Variants in PRDM5 observed in about 807,000 individuals in gnomAD.
PRDM5 encodes the protein PR/SET domain 5, also known as PR domain zinc finger protein 5.
Under a neutral mutation model 81.2 loss-of-function variants are expected in PRDM5, and 56 were observed. That is an observed-to-expected ratio of 0.69 (90% CI 0.56 to 0.86). PRDM5 has a LOEUF of 0.86. PRDM5 is among the 40% of genes least tolerant of loss of function. The pLI is 0.00. For synonymous variants in PRDM5, 267 were observed against 256.4 expected (o/e 1.04, Z -0.39); for missense variants, 697 against 770.1 (o/e 0.91, Z 1.12).
chr4:120,898,871 A>G (rs1392712878), intron 2 of PRDM5, among the ~76,000 whole-genome samples: 2 of 152,182 alleles, frequency 1.3e-5, no homozygotes. Context: ...GGCAGCAATC[A>G]GACTGAAGAC....
chr4:120,693,589 T>A lies in PRDM5; in HGVS notation c.*1522A>T, dbSNP rs527546893. On this transcript the variant is annotated 3_prime_UTR_variant, in exon 16 of 16. Transcript: ENST00000264808. ...TCTTCTGAGTTTCAAATTTAGTATT[T>A]TACAACATTCAAATGTCTACATTGA... 3 of 152,264 alleles carry A rather than the reference T, an allele frequency of 2.0e-5. No homozygotes were observed. Among genetic ancestry groups the A allele is most frequent in the Non-Finnish European group, 4.4e-5 (3 of 68,000 alleles). The allele number at this position is 152,264 out of a possible 1,614,324, so 9.4% of individuals were successfully genotyped here.
rs539795477 is a variant in PRDM5 at position 120,911,801 on chromosome 4, G to A, written c.94-4244C>T. Among the ~76,000 whole-genome samples the A allele has an allele frequency of 2.0e-5, 3 of 152,188 alleles. No homozygotes were observed. The South Asian group carries it at 6.2e-4, about 32-fold the overall frequency. On this transcript the variant is annotated intron_variant, in intron 1 of 15. Transcript: ENST00000264808. The stretch of plus-strand genomic sequence containing the variant: ...AATCTGAGACTCAAACAGGACAAGA[G>A]GATAACTGATTGAAACACATTAACA...
chr4:120,759,160 T>C (rs955024830), intron 13 of PRDM5, among the ~76,000 whole-genome samples: 9 of 152,196 alleles, frequency 5.9e-5, no homozygotes, highest in African/African-American at 1.7e-4. Context: ...GTCTAGATGA[T>C]TGGTATTTCT....
intron 1 of PRDM5, among the ~76,000 whole-genome samples, chr4:120,913,051 G>C (rs1204051873): frequency 6.6e-6 from 1 of 152,236 alleles, no homozygotes; most frequent in East Asian, 1.9e-4. Context: ...AGGCAGACTA[G>C]TTGCCTCCCT....
chr4:120,846,929 G>T (rs774666410), intron 3 of PRDM5, among the ~76,000 whole-genome samples: 5 of 152,080 alleles, frequency 3.3e-5, no homozygotes, highest in Admixed American at 1.3e-4. Flanking sequence ...GCCAGCAAAA[G>T]TCAGAGCCCG....
downstream of PRDM5, among the ~76,000 whole-genome samples, chr4:120,691,182 G>A (rs756575330): frequency 6.6e-6 from 1 of 152,092 alleles, no homozygotes; most frequent in Non-Finnish European, 1.5e-5. Context: ...TAGTATATAA[G>A]TAGTTGTTAC....
intron 2 of PRDM5, among the ~76,000 whole-genome samples, chr4:120,874,986 C>T (rs1267555553): frequency 6.6e-6 from 1 of 152,180 alleles, no homozygotes; most frequent in Non-Finnish European, 1.5e-5. Flanking sequence ...AATCACCTGG[C>T]CTGGCTCTCA....
chr4:120,904,801 A>T (rs540571184), intron 2 of PRDM5, among the ~76,000 whole-genome samples: 1 of 152,322 alleles, frequency 6.6e-6, no homozygotes, highest in South Asian at 2.1e-4. Flanking sequence ...GCTACACAAA[A>T]CATTAATATG....
At chr4:120,880,443 A>T (rs569604720) in intron 2 of PRDM5, among the ~76,000 whole-genome samples, 110 of 152,292 alleles carry the variant, frequency 7.2e-4, no homozygotes, top group African/African-American at 2.5e-3. Context: ...TAGTAACATT[A>T]AACAGAGCAA....
chr4:120,701,359 T>C (rs545160115), intron 15 of PRDM5, among the ~76,000 whole-genome samples: 2 of 152,228 alleles, frequency 1.3e-5, no homozygotes, highest in South Asian at 2.1e-4. Context: ...CAAATCATTT[T>C]ACCAAAAAGA....
intron 2 of PRDM5, among the ~76,000 whole-genome samples, chr4:120,881,753 G>A (rs1762864889): frequency 6.6e-6 from 1 of 152,068 alleles, no homozygotes; most frequent in South Asian, 2.1e-4. Context: ...CTCACCTAAA[G>A]CCAAAAAATA....
rs773352100 is a variant in PRDM5 at position 120,754,623 on chromosome 4, T to C, written c.1553A>G (p.Gln518Arg). The change falls in exon 14 of 16, where the codon CAA (glutamine) becomes CGA (arginine). Residue 518 changes from glutamine (Q) to arginine (R), a missense_variant. This residue lies in a region of PRDM5 where 86 missense variants were observed against 135.2 expected (regional missense o/e 0.64). Transcript: ENST00000264808. ...IRSHTGERPYQCPYCEKGFSK... is the reference protein window; with the variant it reads ...IRSHTGERPYRCPYCEKGFSK... ...GAATCCTTTTTCACAGTAAGGACAT[T>C]GATAGGGACGCTCACCTACAAATAA... The C allele has an allele frequency of 1.9e-6, 3 of 1,599,308 alleles. No homozygotes were observed. The highest frequency in any genetic ancestry group is 3.3e-5 in the Admixed American group (2 of 60,002).
chr4:120,851,450 T>C (rs903601770), intron 3 of PRDM5, among the ~76,000 whole-genome samples: 1 of 150,560 alleles, frequency 6.6e-6, no homozygotes, highest in Non-Finnish European at 1.5e-5. Flanking sequence ...AAAAAAATAA[T>C]GTCTACATGT....
intron 13 of PRDM5, among the ~76,000 whole-genome samples, chr4:120,763,144 C>T (rs1745876305): frequency 6.6e-6 from 1 of 152,054 alleles, no homozygotes; most frequent in South Asian, 2.1e-4. Context: ...TGAAGAGATG[C>T]CAACTCAAAG....
At chr4:120,868,334 C>G (rs541111562) in intron 2 of PRDM5, among the ~76,000 whole-genome samples, 2 of 152,256 alleles carry the variant, frequency 1.3e-5, no homozygotes, top group South Asian at 2.1e-4. Flanking sequence ...CAAGCACATT[C>G]ACATTTCTGC....
intron 14 of PRDM5, among the ~76,000 whole-genome samples, chr4:120,746,103 G>A (rs1742970725): frequency 9.0e-6 from 1 of 111,488 alleles, no homozygotes; most frequent in Non-Finnish European, 1.8e-5. Context: ...CAATGGAACA[G>A]AACAGAGCCC....
chr4:120,710,471 C>T, intron 14 of PRDM5, 58 bp from the exon 15 acceptor site: 2 of 1,334,150 alleles, frequency 1.5e-6, no homozygotes, highest in Non-Finnish European at 2.2e-6. Context: ...ATGCAGAGTC[C>T]TCCATATTCA....
chr4:120,725,223 C>T (rs1297829090), intron 14 of PRDM5, among the ~76,000 whole-genome samples: 2 of 149,000 alleles, frequency 1.3e-5, no homozygotes, highest in Non-Finnish European at 3.0e-5. Context: ...TTTTTTTTTA[C>T]TTAGAAAATT....
Position 120,777,245 on chromosome 4 carries a change from A to G in PRDM5, c.1480T>C (p.Cys494Arg). Residue 494 changes from cysteine (C) to arginine (R), a missense_variant, in exon 13 of 16, where the codon TGT (cysteine) becomes CGT (arginine). Physicochemically the swap from Cys to Arg is radical, Grantham distance 180. Transcript: ENST00000264808. ...CCACTGCTGGCAAATTTCTGGCCACAATATGGACAGATTTTCTCCTTTTCT... is the reference window on the plus strand; with the variant it reads ...CCACTGCTGGCAAATTTCTGGCCACGATATGGACAGATTTTCTCCTTTTCT... Reference protein sequence around the residue: ...TGEKEKICPYCGQKFASSGTL... With the variant: ...TGEKEKICPYRGQKFASSGTL... 1 of 1,613,490 alleles carries G rather than the reference A, an allele frequency of 6.2e-7. No individual in the cohort carries two copies. The highest frequency in any genetic ancestry group is 1.1e-5 in the South Asian group (1 of 91,078).
Sources: gnomAD v4.1 joint callset for allele counts (sites outside exome capture counted in the v4.1 genomes callset) on GRCh38, gnomAD v4.1.1 for gene constraint, gnomAD v4.1.1 regional missense constraint, MANE v1.5 for transcripts, NCBI Gene and HGNC (gene_info 2026-07-23, HGNC 2026-07-21) for gene names.